Variants in BCAS3 observed in about 807,000 individuals in gnomAD.
BCAS3 encodes the protein BCAS3 microtubule associated cell migration factor.
A neutral mutation model predicts 116.1 loss-of-function variants in BCAS3; 53 were observed. The ratio of observed to expected loss-of-function variants is 0.46; its 90% CI spans 0.37 to 0.57. The LOEUF (loss-of-function observed/expected upper bound fraction) is 0.57. BCAS3 is among the 20% of genes least tolerant of loss of function. The pLI is 0.00. For missense variants in BCAS3, 917 were observed against 1,165.4 expected (o/e 0.79, Z 3.10); for synonymous variants, 391 against 408.2 (o/e 0.96, Z 0.51).
rs1354502818 is a variant in BCAS3, at chr17:61,020,488, T to C, written c.1637+4587T>C. Among the ~76,000 whole-genome samples, 1 of 152,206 alleles carries C rather than the reference T, an allele frequency of 6.6e-6. No homozygotes were observed. The highest frequency in any genetic ancestry group is 2.4e-5 in the African/African-American group (1 of 41,464). ...AAAGAAGTGTTAGACATTATTTGGC[T>C]CCAATAATCACCCATTCAAACAGAC... On this transcript the variant is annotated intron_variant, in intron 16 of 23. Coordinates refer to ENST00000407086, the MANE Select transcript of BCAS3 (RefSeq NM_017679.5). This position sits in a 1 kb window ranked among gnomAD's most constrained non-coding sequence, Gnocchi z 4.5.
At chr17:61,067,851 G>C (rs1004395176) in intron 19 of BCAS3, among the ~76,000 whole-genome samples, 8 of 151,540 alleles carry the variant, frequency 5.3e-5, no homozygotes, top group African/African-American at 1.9e-4. Context: ...CTATAAGCAT[G>C]ATTTGCTTAT....
intron 19 of BCAS3, among the ~76,000 whole-genome samples, chr17:61,050,928 T>A (rs1388546597): frequency 5.3e-5 from 8 of 152,040 alleles, no homozygotes; most frequent in Non-Finnish European, 1.0e-4. Context: ...ATACAAAGTA[T>A]ATTCCCTGAC....
chr17:61,043,229 G>A (rs1036591927), intron 19 of BCAS3, among the ~76,000 whole-genome samples: 23 of 151,910 alleles, frequency 1.5e-4, no homozygotes, highest in African/African-American at 5.6e-4. Context: ...TCACCCAGGT[G>A]TGGTGGCGTG....
intron 22 of BCAS3, among the ~76,000 whole-genome samples, chr17:61,271,470 C>G (rs1056469677): frequency 2.3e-5 from 3 of 131,750 alleles, no homozygotes; most frequent in Non-Finnish European, 3.1e-5. Flanking sequence ...GTTACCCAGG[C>G]TGGAGTGCAG....
intron 19 of BCAS3, chr17:61,070,398 TATC>T (rs1432936663): frequency 2.1e-4 from 37 of 177,732 alleles, no homozygotes; most frequent in Non-Finnish European, 3.6e-4. Flanking sequence ...TATATATATA[TATC>T]TTTTCACCAT....
chr17:61,142,799 G>A (rs1310440857), intron 22 of BCAS3, among the ~76,000 whole-genome samples: 1 of 152,134 alleles, frequency 6.6e-6, no homozygotes, highest in African/African-American at 2.4e-5. Flanking sequence ...TGTTGGGGTT[G>A]TATGATGGAT....
At chr17:60,862,387 C>T (rs1275179282) in intron 7 of BCAS3, among the ~76,000 whole-genome samples, 2 of 152,116 alleles carry the variant, frequency 1.3e-5, no homozygotes, top group African/African-American at 4.8e-5. Context: ...GGATTGGTAG[C>T]AGCTTTTCTT....
chr17:61,059,318 A>G (rs985011239), intron 19 of BCAS3, among the ~76,000 whole-genome samples: 7 of 151,676 alleles, frequency 4.6e-5, no homozygotes, highest in Admixed American at 4.6e-4. Flanking sequence ...TCCTGACCTC[A>G]TGATCCGCCT....
intron 22 of BCAS3, among the ~76,000 whole-genome samples, chr17:61,294,014 C>T (rs572584694): frequency 2.0e-5 from 3 of 152,320 alleles, no homozygotes; most frequent in South Asian, 2.1e-4. Context: ...CCATCCTCCT[C>T]GGCCTCCCAA....
intron 7 of BCAS3, among the ~76,000 whole-genome samples, chr17:60,856,159 A>G (rs989076087): frequency 1.3e-5 from 2 of 152,210 alleles, no homozygotes; most frequent in Admixed American, 6.5e-5. Context: ...AAAAACTACC[A>G]TCTTTTCCAT....
At chr17:60,760,631 CA>C (rs60612098) in intron 6 of BCAS3, among the ~76,000 whole-genome samples, 39,877 of 151,664 alleles carry the variant, frequency 0.26, 11,059 homozygotes, top group African/African-American at 0.71. Context: ...TCACTTGCTA[CA>C]CCTTAATATT....
At chr17:60,884,694 G>GCCTTCA (rs1357753630) in intron 9 of BCAS3, among the ~76,000 whole-genome samples, 3 of 142,822 alleles carry the variant, frequency 2.1e-5, no homozygotes, top group Non-Finnish European at 4.6e-5. Context: ...CCTTCATTTC[G>GCCTTCA]TTATGTACCC....
chr17:60,970,706 AAAAAT>A (rs1171665932), intron 14 of BCAS3, among the ~76,000 whole-genome samples: 14 of 152,218 alleles, frequency 9.2e-5, no homozygotes, highest in Non-Finnish European at 1.3e-4. Flanking sequence ...CTGTATGATA[AAAAAT>A]AAAATAAATG....
rs1424996581 is a variant in BCAS3 at position 61,339,186 on chromosome 17, G to T, written c.2426-29141G>T. ...TTGGCAGTCATCTTCCCAGCTCTCG[G>T]CTTCAACCCTGATTCTGACAGTGGC... On this transcript the variant is annotated intron_variant, in intron 22 of 23. Transcript: ENST00000407086. The surrounding 1 kb of genome is among the most constrained non-coding windows in gnomAD (Gnocchi z 4.4). Among the ~76,000 whole-genome samples the T allele has an allele frequency of 6.6e-6, 1 of 152,156 alleles. No homozygotes were observed. The highest frequency in any genetic ancestry group is 1.5e-5 in the Non-Finnish European group (1 of 68,030).
chr17:60,810,725 A>G, intron 7 of BCAS3: 1 of 663,622 alleles, frequency 1.5e-6, no homozygotes, highest in Non-Finnish European at 2.8e-6. Flanking sequence ...GGGCTCTGCA[A>G]GGTCACTGAT....
intron 7 of BCAS3, among the ~76,000 whole-genome samples, chr17:60,843,171 G>A (rs957010920): frequency 6.7e-6 from 1 of 150,226 alleles, no homozygotes. Flanking sequence ...ACTTATACGT[G>A]CCCTTTTCAT....
chr17:61,085,281 C>T (rs531295771), intron 22 of BCAS3, among the ~76,000 whole-genome samples: 1 of 152,124 alleles, frequency 6.6e-6, no homozygotes, highest in Non-Finnish European at 1.5e-5. Flanking sequence ...CATCTGAAGA[C>T]AGCGCATGGC....
chr17:60,889,722 T>C lies in BCAS3; in HGVS notation c.689T>C (p.Met230Thr). ...TSCYPCPGPN[M>T]NPIALGSRWL... ...TGCTATCCATGTCCAGGGCCAAACA[T>C]GAATCCTATTGCTCTTGGGAGCCGC... Residue 230 changes from methionine to threonine, a missense_variant, in exon 10 of 24, where the codon ATG (methionine) becomes ACG (threonine). Transcript: ENST00000407086. 1 of 1,613,394 alleles carries C rather than the reference T, an allele frequency of 6.2e-7. No homozygotes were observed. The highest frequency in any genetic ancestry group is 1.1e-5 in the South Asian group (1 of 91,048).
chr17:60,705,395 A>T (rs1379887184), intron 4 of BCAS3, among the ~76,000 whole-genome samples: 2 of 151,856 alleles, frequency 1.3e-5, no homozygotes, highest in Admixed American at 1.3e-4. Flanking sequence ...GGCGCCTGTA[A>T]TCCCAGCTAC....
Sources: gnomAD v4.1 joint callset for allele counts (sites outside exome capture counted in the v4.1 genomes callset) on GRCh38, gnomAD v4.1.1 for gene constraint, Gnocchi (gnomAD v3.1) non-coding constraint, MANE v1.5 for transcripts, NCBI Gene and HGNC (gene_info 2026-07-23, HGNC 2026-07-21) for gene names.